TCF20: variants seen among roughly 807,000 people sequenced by gnomAD.
TCF20 encodes the protein transcription factor 20.
A neutral mutation model predicts 148.6 loss-of-function variants in TCF20; 3 were observed. The observed-to-expected ratio is 0.02, with a 90% CI of 0.01 to 0.05. TCF20 has a LOEUF of 0.05. Ranked by LOEUF, TCF20 falls within the 10% of genes least tolerant of loss-of-function variation. The pLI, the probability that TCF20 is intolerant of heterozygous loss-of-function variation, is 1.00. For synonymous variants in TCF20, 1,049 were observed against 909.5 expected (o/e 1.15, Z -2.76); for missense variants, 2,350 against 2,429.3 (o/e 0.97, Z 0.69).
rs192263047 is a variant in TCF20 at position 42,182,494 on chromosome 22, G to A, written c.5656-2792C>T. The stretch of plus-strand genomic sequence containing the variant: ...CGGTTTACAAGAGGAAAGAGAAGAC[G>A]TGGAGCTTAGATCTGAACAATGTCC... On this transcript the variant is annotated intron_variant, in intron 2 of 5. Coordinates refer to ENST00000677622, the MANE Select transcript of TCF20 (RefSeq NM_001378418.1). Among the ~76,000 whole-genome samples, 10 of 152,300 alleles carry A rather than the reference G, an allele frequency of 6.6e-5. No homozygotes were observed. The East Asian group carries it at 1.2e-3, about 18-fold the overall frequency.
chr22:42,171,102 C>T (rs184955293), intron 3 of TCF20, among the ~76,000 whole-genome samples: 2 of 152,338 alleles, frequency 1.3e-5, no homozygotes, highest in African/African-American at 4.8e-5. Context: ...AGCAAGGACA[C>T]ATCTGCCTCC....
At chr22:42,332,078 A>C (rs1042012726) in intron 1 of TCF20, among the ~76,000 whole-genome samples, 2 of 152,238 alleles carry the variant, frequency 1.3e-5, no homozygotes. Flanking sequence ...TGAACTCAGC[A>C]GACACCATCC....
Position 42,299,462 on chromosome 22 carries a change from T to C in TCF20, c.-37+44017A>G, listed in dbSNP as rs1387163549. Among the ~76,000 whole-genome samples the C allele has an allele frequency of 1.3e-5, 2 of 152,156 alleles. No individual in the cohort carries two copies. Among genetic ancestry groups the C allele is most frequent in the East Asian group, 3.9e-4 (2 of 5,182 alleles). On this transcript the variant is annotated intron_variant, in intron 1 of 1. Transcript: ENST00000515426. The surrounding 1 kb of genome is among the most constrained non-coding windows in gnomAD (Gnocchi z 4.1). ...AACCTCCAATGCCCTGGGGCCTCAA[T>C]TTCCCCCAGGACAAAGGGGCCTCAA...
rs1456513094 is a variant in TCF20 at position 42,317,508 on chromosome 22, A to T, written c.-37+25971T>A. Among the ~76,000 whole-genome samples the T allele has an allele frequency of 2.6e-5, 4 of 152,028 alleles. No homozygotes were observed. The highest frequency in any genetic ancestry group is 4.4e-5 in the Non-Finnish European group (3 of 68,000). ...GGCCCTTCCCCAGTGTCACCTCATT[A>T]CCCACTCACTACCTGGTACATGGGC... On this transcript the variant is annotated intron_variant, in intron 1 of 1. Coordinates refer to the TCF20 transcript ENST00000515426. This position sits in a 1 kb window ranked among gnomAD's most constrained non-coding sequence, Gnocchi z 4.2.
chr22:42,216,085 T>C lies in TCF20; in HGVS notation c.-36-744A>G, dbSNP rs903167824. Reference sequence around the variant, plus strand: ...GGGTAAGAAAAACCAAATCCTTTTTTTTTTTTTTTTTTTTTTTTTTTTGAG... The same window carrying C: ...GGGTAAGAAAAACCAAATCCTTTTTCTTTTTTTTTTTTTTTTTTTTTTGAG... On this transcript the variant is annotated intron_variant, in intron 1 of 5. Coordinates refer to ENST00000677622, the MANE Select transcript of TCF20 (RefSeq NM_001378418.1). Among the ~76,000 whole-genome samples, 130 of 113,346 alleles carry C rather than the reference T, an allele frequency of 1.1e-3. 1 individual carries two copies. The highest frequency in any genetic ancestry group is 4.3e-4 in the Non-Finnish European group (24 of 56,340). The allele number at this position is 113,346 out of a possible 152,430, so 74.4% of individuals were successfully genotyped here.
At chr22:42,179,811 G>C in intron 2 of TCF20, 109 bp from the exon 3 acceptor site, 1 of 732,860 alleles carries the variant, frequency 1.4e-6, no homozygotes, top group Non-Finnish European at 2.4e-6. Flanking sequence ...TCTGTGGTTA[G>C]AGGAGTCCGT....
chr22:42,186,990 C>T (rs184843605), intron 2 of TCF20, among the ~76,000 whole-genome samples: 90 of 152,360 alleles, frequency 5.9e-4, no homozygotes, highest in Non-Finnish European at 8.2e-4. Flanking sequence ...ACTCTACAGA[C>T]AGTGCCCTCT....
intron 1 of TCF20, among the ~76,000 whole-genome samples, chr22:42,262,198 G>A (rs1207650513): frequency 2.0e-5 from 3 of 152,190 alleles, no homozygotes; most frequent in Admixed American, 2.0e-4. Context: ...AGACACATAC[G>A]ACTCTTGGCC....
intron 1 of TCF20, among the ~76,000 whole-genome samples, chr22:42,293,829 G>A (rs558822737): frequency 2.6e-5 from 4 of 152,290 alleles, no homozygotes; most frequent in Non-Finnish European, 5.9e-5. Context: ...GTGAAACACC[G>A]TCTCTACTAA....
At chr22:42,331,984 T>C (rs1233077426) in intron 1 of TCF20, among the ~76,000 whole-genome samples, 1 of 152,208 alleles carries the variant, frequency 6.6e-6, no homozygotes. Context: ...TGCTATCACA[T>C]GTCAGGTGCT....
chr22:42,308,199 A>C (rs1927469491), intron 1 of TCF20, among the ~76,000 whole-genome samples: 1 of 152,124 alleles, frequency 6.6e-6, no homozygotes, highest in Non-Finnish European at 1.5e-5. Context: ...GGGGTGACGG[A>C]AGCCCTGGCC....
chr22:42,217,930 G>C (rs1376701400), intron 1 of TCF20, among the ~76,000 whole-genome samples: 2 of 152,218 alleles, frequency 1.3e-5, no homozygotes, highest in Non-Finnish European at 2.9e-5. Context: ...ACTTCCTTAA[G>C]CTTGATTATA....
At chr22:42,186,389 A>C (rs951165951) in intron 2 of TCF20, among the ~76,000 whole-genome samples, 1 of 152,254 alleles carries the variant, frequency 6.6e-6, no homozygotes, top group African/African-American at 2.4e-5. Flanking sequence ...TTTACAAACT[A>C]GAAAGTTATG....
intron 2 of TCF20, among the ~76,000 whole-genome samples, chr22:42,197,121 T>A (rs1228284502): frequency 6.6e-6 from 1 of 152,146 alleles, no homozygotes; most frequent in Non-Finnish European, 1.5e-5. Flanking sequence ...ACAGGAGGGT[T>A]ATCTTTACTA....
At chr22:42,202,484 T>C (rs1938100010) in intron 2 of TCF20, among the ~76,000 whole-genome samples, 1 of 152,218 alleles carries the variant, frequency 6.6e-6, no homozygotes, top group Non-Finnish European at 1.5e-5. Context: ...AGTCCTGGAA[T>C]TCATATGAAG....
At chr22:42,335,616 C>A (rs1928052909) in intron 1 of TCF20, among the ~76,000 whole-genome samples, 1 of 152,204 alleles carries the variant, frequency 6.6e-6, no homozygotes, top group African/African-American at 2.4e-5. Context: ...TGACTCTGAG[C>A]AGACAGCAGG....
Position 42,333,925 on chromosome 22 carries a change from G to A in TCF20, c.-37+9554C>T, listed in dbSNP as rs533074108. Among the ~76,000 whole-genome samples, 9 of 152,364 alleles carry A rather than the reference G, an allele frequency of 5.9e-5. No homozygotes were observed. The South Asian group carries it at 1.9e-3, about 32-fold the overall frequency. On this transcript the variant is annotated intron_variant, in intron 1 of 1. Transcript: ENST00000515426. ...TAGGCACAAGCGCAGTGGGAACCCA[G>A]GCCAACGGGTGGCCCCTGCCTGGGG...
chr22:42,321,131 G>T (rs766200949), intron 1 of TCF20, among the ~76,000 whole-genome samples: 5 of 152,272 alleles, frequency 3.3e-5, no homozygotes, highest in Non-Finnish European at 7.3e-5. Context: ...GCTGGGAGAA[G>T]ATTTAAGGCC....
chr22:42,274,598 G>A (rs900391766), upstream of TCF20: 9 of 152,300 alleles, frequency 5.9e-5, no homozygotes, highest in Admixed American at 5.9e-4. Context: ...GTTGGGCAAG[G>A]GTGGGATCCT....
Sources: gnomAD v4.1 joint callset for allele counts (sites outside exome capture counted in the v4.1 genomes callset) on GRCh38, gnomAD v4.1.1 for gene constraint, Gnocchi (gnomAD v3.1) non-coding constraint, MANE v1.5 for transcripts, NCBI Gene and HGNC (gene_info 2026-07-23, HGNC 2026-07-21) for gene names.